The following F11 variants were observed in gnomAD, a reference collection of about 807,000 sequenced individuals.
F11 encodes coagualtion factor XI.
F11 carries 78 observed loss-of-function variants against 76.5 expected under a neutral mutation model. The ratio of observed to expected loss-of-function variants is 1.02; its 90% confidence interval spans 0.85 to 1.23. The LOEUF (loss-of-function observed/expected upper bound fraction) is 1.23. F11 is among the 50% of genes most tolerant of loss of function. F11 has a pLI of 0.00. For synonymous variants in F11, 278 were observed against 276.3 expected, an observed-to-expected ratio of 1.01 and a Z score of -0.06; for missense variants, 742 against 771.4, an observed-to-expected ratio of 0.96 and a Z score of 0.45.
rs1062547 is a variant in F11, at chr4:186,289,093, A to T, written c.*479A>T. 0.4 allele frequency: 63,361 copies of T among 159,890 alleles called. 13,328 individuals carry two copies. The highest frequency in any genetic ancestry group is 0.55 in the Middle Eastern group (164 of 300). The allele number at this position is 159,890 out of a possible 1,614,324, so 9.9% of individuals were successfully genotyped here. On this transcript the variant is annotated 3_prime_UTR_variant, in exon 15 of 15. Transcript: ENST00000403665. Reference sequence around the variant, plus strand: ...ACACATTTCTTTTGTAAAGAAAGAAATTGATTGCATTTAATGGCAGATTTT... The same window carrying T: ...ACACATTTCTTTTGTAAAGAAAGAATTTGATTGCATTTAATGGCAGATTTT...
chr4:186,284,398 A>C lies in F11; in HGVS notation c.1304+138A>C. On this transcript the variant is annotated intron_variant, in intron 11 of 14. Coordinates refer to ENST00000403665, the MANE Select transcript of F11 (RefSeq NM_000128.4). ...ATTAATTAATTGCTTCAGTGGTAAAAAACGCAAAAAGGAAGAGCTCATGGT... is the reference window on the plus strand; with the variant it reads ...ATTAATTAATTGCTTCAGTGGTAAACAACGCAAAAAGGAAGAGCTCATGGT... 3.2e-6 allele frequency: 3 copies of C among 923,314 alleles called. No individual in the cohort carries two copies. The Admixed American group carries it at 6.5e-5, about 20-fold the overall frequency. The allele number at this position is 923,314 out of a possible 1,614,324, so 57.2% of individuals were successfully genotyped here. A position where few individuals can be genotyped will look rare whatever the true frequency, so the allele number is the denominator to read the frequency against.
rs1580073726 is a variant in F11, at chr4:186,273,318, T to C, written c.325+141T>C. 9.6e-6 allele frequency: 7 copies of C among 732,902 alleles called. No homozygotes were observed. In the East Asian group the frequency reaches 1.9e-4, roughly 20 times the overall value. The allele number at this position is 732,902 out of a possible 1,614,324, so 45.4% of individuals were successfully genotyped here. ...AATGAAGTTCTTTCAGTGTAGAGTA[T>C]AAACTAGTATACATACATGCCTGCC... On this transcript the variant is annotated intron_variant, in intron 4 of 14. Coordinates refer to ENST00000403665, the MANE Select transcript of F11 (RefSeq NM_000128.4).
At chr4:186,280,406 T>C (rs765930824) in intron 9 of F11, 21 bp downstream of exon 9, 2 of 1,614,090 alleles carry the variant, frequency 1.2e-6, no homozygotes, top group Admixed American at 3.3e-5. Flanking sequence ...TGAAGGGTTA[T>C]GCAGACACCC....
rs765762323 is a variant in F11, at chr4:186,288,530, C to T, written c.1794C>T (p.Gly598=). The change falls in exon 15 of 15, where the codon GGC becomes GGT. Residue 598 remains glycine, a synonymous_variant. Transcript: ENST00000403665. The stretch of plus-strand genomic sequence containing the variant: ...TAGGCATCACGAGCTGGGGCGAAGG[C>T]TGTGCTCAAAGGGAGCGGCCAGGTG... The part of the protein sequence containing the change: ...HLVGITSWGE[G]CAQRERPGVY... 6.2e-7 allele frequency: 1 copy of T among 1,614,182 alleles called. No homozygotes were observed. The highest frequency in any genetic ancestry group is 1.3e-5 in the African/African-American group (1 of 75,050).
In F11 at chr4:186,274,270, G is replaced by A. The variant is rs370214472; in HGVS notation, c.480G>A (p.Glu160=). ...CCACAAGGCAGTTTCCCAGCCTGGA[G>A]CATCGGTGAGTGAGTCCCAGGACAT... ...TYATRQFPSL[E]HRNICLLKHT... The change falls in exon 5 of 15, where the codon GAG becomes GAA. Residue 160 remains glutamate, a synonymous_variant. Coordinates refer to ENST00000403665, the MANE Select transcript of F11 (RefSeq NM_000128.4). 5 of 1,614,096 alleles carry A rather than the reference G, an allele frequency of 3.1e-6. No homozygotes were observed. In the African/African-American group the frequency reaches 5.3e-5, roughly 17 times the overall value.
At chr4:186,278,954 CTCTTTT>C (rs1186486660) in intron 7 of F11, among the ~76,000 whole-genome samples, 1 of 152,164 alleles carries the variant, frequency 6.6e-6, no homozygotes, top group Non-Finnish European at 1.5e-5. Context: ...CTAGTCACTG[CTCTTTT>C]TCTTTGTCTT....
chr4:186,287,026 T>C (rs1022369863), intron 13 of F11, among the ~76,000 whole-genome samples: 2 of 152,008 alleles, frequency 1.3e-5, no homozygotes, highest in African/African-American at 4.8e-5. Context: ...CAGGCTGGAG[T>C]GCAGTGGCAC....
intron 4 of F11, 150 bp downstream of exon 4, chr4:186,273,327 A>G (rs1301280979): frequency 1.4e-6 from 1 of 712,994 alleles, no homozygotes; most frequent in Non-Finnish European, 2.6e-6. Flanking sequence ...ATAAACTAGT[A>G]TACATACATG....
intron 3 of F11, among the ~76,000 whole-genome samples, chr4:186,272,419 CT>C (rs1460015438): frequency 6.6e-6 from 1 of 152,174 alleles, no homozygotes; most frequent in East Asian, 1.9e-4. Context: ...TAACCAGAAT[CT>C]TACCAAGAGT....
chr4:186,273,768 C>T (rs894021541), intron 4 of F11, among the ~76,000 whole-genome samples: 1 of 152,098 alleles, frequency 6.6e-6, no homozygotes, highest in African/African-American at 2.4e-5. Flanking sequence ...CGTATTAATC[C>T]AAATTGAAAG....
At chr4:186,277,130 C>T (rs1344328859) in intron 7 of F11, among the ~76,000 whole-genome samples, 4 of 152,156 alleles carry the variant, frequency 2.6e-5, no homozygotes, top group African/African-American at 9.7e-5. Context: ...TTATTTAGCT[C>T]CCACTTAAAA....
rs281875266 is a variant in F11 at position 186,284,163 on chromosome 4, G to T, written c.1207G>T (p.Val403Leu). The change falls in exon 11 of 15, where the codon GTG (valine) becomes TTG (leucine). Residue 403 changes from valine (V) to leucine (L), a missense_variant. Coordinates refer to ENST00000403665, the MANE Select transcript of F11 (RefSeq NM_000128.4). ...TGTTCGTGGTGAGTGGCCGTGGCAG[G>T]TGACCCTGCACACAACCTCACCCAC... ...ASVRGEWPWQ[V>L]TLHTTSPTQR... 3 of 1,614,226 alleles carry T rather than the reference G, an allele frequency of 1.9e-6. No individual in the cohort carries two copies. In the Admixed American group the frequency reaches 5.0e-5, roughly 27 times the overall value.
At chr4:186,269,925 C>T (rs776384478) in intron 2 of F11, among the ~76,000 whole-genome samples, 8 of 151,964 alleles carry the variant, frequency 5.3e-5, no homozygotes, top group Admixed American at 2.6e-4. Flanking sequence ...AAATCCAAAC[C>T]AAAAATCTTC....
chr4:186,276,404 A>C lies in F11; in HGVS notation c.755+14A>C. The C allele has an allele frequency of 6.2e-7, 1 of 1,613,590 alleles. No homozygotes were observed. Among genetic ancestry groups the C allele is most frequent in the South Asian group, 1.1e-5 (1 of 91,066 alleles). On this transcript the variant is annotated intron_variant, in intron 7 of 14. Transcript: ENST00000403665. Reference sequence around the variant, plus strand: ...AGAATCTCAAAGGTAAGGAGTTAACAAGTAAGGATAATTTGTTATCTTCTA... The same window carrying C: ...AGAATCTCAAAGGTAAGGAGTTAACCAGTAAGGATAATTTGTTATCTTCTA...
In F11 at chr4:186,279,999, T is replaced by C. The variant is rs1412810486; in HGVS notation, c.756-13T>C. 6.3e-7 allele frequency: 1 copy of C among 1,593,698 alleles called. No homozygotes were observed. The highest frequency in any genetic ancestry group is 8.6e-7 in the Non-Finnish European group (1 of 1,161,598). On this transcript the variant is annotated splice_polypyrimidine_tract_variant and intron_variant, in intron 7 of 14. Coordinates refer to ENST00000403665, the MANE Select transcript of F11 (RefSeq NM_000128.4). Reference sequence around the variant, plus strand: ...GATATGATATATTTCTACTTCCCTTTTGTTTTTGTTAGAAATCTTTGTCTC... The same window carrying C: ...GATATGATATATTTCTACTTCCCTTCTGTTTTTGTTAGAAATCTTTGTCTC...
chr4:186,281,980 C>G, intron 10 of F11: 1 of 1,264,464 alleles, frequency 7.9e-7, no homozygotes. Flanking sequence ...CTCAAGACTT[C>G]TTAAAAAGCA....
Position 186,286,252 on chromosome 4 carries a change from G to A in F11, c.1481-163G>A, listed in dbSNP as rs79762173. On this transcript the variant is annotated intron_variant, in intron 12 of 14. Coordinates refer to ENST00000403665, the MANE Select transcript of F11 (RefSeq NM_000128.4). ...CGCCCTCTCATCCTGGCACATGTGC[G>A]ATATCGTGCTGAACCTGAGGGAGGA... 526 of 671,860 alleles carry A rather than the reference G, an allele frequency of 7.8e-4. 3 individuals are homozygous for A. In the African/African-American group the frequency reaches 8.1e-3, roughly 10 times the overall value. 41.6% of individuals were successfully genotyped at this position (671,860 alleles called of 1,614,324 possible).
intron 7 of F11, among the ~76,000 whole-genome samples, chr4:186,279,465 T>A (rs938423694): frequency 6.6e-6 from 1 of 152,170 alleles, no homozygotes; most frequent in Non-Finnish European, 1.5e-5. Context: ...AATAGCCACA[T>A]GTAGTTGGCA....
At chr4:186,273,229 G>A (rs377089246) in intron 4 of F11, 52 bp downstream of exon 4, 166 of 1,345,248 alleles carry the variant, frequency 1.2e-4, no homozygotes, top group Non-Finnish European at 1.6e-4. Flanking sequence ...TACACATATC[G>A]CCACATCGGA....
Sources: allele counts gnomAD v4.1 joint callset (sites outside exome capture counted in the v4.1 genomes callset), GRCh38; gene constraint gnomAD v4.1.1; transcripts MANE v1.5; gene names NCBI Gene and HGNC (gene_info 2026-07-23, HGNC 2026-07-21).